TMEM245: variants seen among roughly 807,000 people sequenced by gnomAD.
TMEM245 encodes transmembrane protein 245.
In TMEM245, 69 loss-of-function variants were observed where a neutral mutation model predicts 101.2. The ratio of observed to expected loss-of-function variants is 0.68; its 90% CI spans 0.56 to 0.83. TMEM245 has a LOEUF of 0.83. Among genes scored for constraint, TMEM245 ranks in the 40% least tolerant of loss-of-function variants. The probability of loss-of-function intolerance (pLI) is 0.00; values close to 1 mark genes in which losing one functional copy is unlikely to be tolerated. For synonymous variants in TMEM245, 537 were observed against 449.8 expected (o/e 1.19, Z -2.45); for missense variants, 1,075 against 1,092.8 (o/e 0.98, Z 0.23).
intron 17 of TMEM245, among the ~76,000 whole-genome samples, chr9:109,032,865 C>A (rs1828004401): frequency 7.5e-6 from 1 of 133,738 alleles, no homozygotes; most frequent in African/African-American, 2.8e-5. Flanking sequence ...GTGGCACAAT[C>A]TGGGCTCACT....
At chr9:109,119,219 C>A in intron 1 of TMEM245, 116 bp downstream of exon 1, 2 of 993,470 alleles carry the variant, frequency 2.0e-6, no homozygotes, top group Middle Eastern at 3.4e-4. Context: ...CGGACGGTCA[C>A]TGCAGCACAG....
intron 17 of TMEM245, among the ~76,000 whole-genome samples, chr9:109,025,949 G>T (rs941215353): frequency 6.6e-6 from 1 of 152,212 alleles, no homozygotes; most frequent in African/African-American, 2.4e-5. Flanking sequence ...GCATTCATCT[G>T]TGTGAAGATA....
At position 109,042,990 on chromosome 9, in the gene TMEM245, C is replaced by T. The variant is rs547227942; in HGVS notation, c.2124-4873G>A. 4.5e-4 allele frequency among the ~76,000 whole-genome samples: 68 copies of T among 151,936 alleles called. No individual in the cohort carries two copies. The South Asian group carries it at 0.012, about 28-fold the overall frequency. ...CCTCCCAAGTAGCTGGGACTACAGA[C>T]GCACACACAACCCACTACGTGCCAA... is the stretch of plus-strand genomic sequence containing the variant. On this transcript the variant is annotated intron_variant, in intron 14 of 17. Transcript: ENST00000374586.
chr9:109,037,719 G>C (rs1379481593), intron 15 of TMEM245, among the ~76,000 whole-genome samples: 1 of 152,130 alleles, frequency 6.6e-6, no homozygotes, highest in East Asian at 1.9e-4. Context: ...AGAACCGTGA[G>C]CCAATTAAAC....
intron 4 of TMEM245, 102 bp from the exon 5 acceptor site, chr9:109,091,257 GT>G: frequency 1.0e-6 from 1 of 988,456 alleles, no homozygotes. Flanking sequence ...CCTTCAAAAT[GT>G]GCTGATATGG....
intron 7 of TMEM245, among the ~76,000 whole-genome samples, chr9:109,081,243 C>G (rs1048492288): frequency 3.3e-5 from 5 of 152,062 alleles, no homozygotes; most frequent in Non-Finnish European, 5.9e-5. Context: ...TAATTTATAA[C>G]CTGGTAAGTA....
At chr9:109,038,238 G>C in intron 14 of TMEM245, 121 bp from the exon 15 acceptor site, 2 of 573,656 alleles carry the variant, frequency 3.5e-6, no homozygotes, top group Non-Finnish European at 5.9e-6. Context: ...GCTGGCCTGA[G>C]AATGCTATTT....
At chr9:109,072,625 C>T (rs1442133596) in intron 9 of TMEM245, among the ~76,000 whole-genome samples, 1 of 152,190 alleles carries the variant, frequency 6.6e-6, no homozygotes, top group Non-Finnish European at 1.5e-5. Flanking sequence ...TGAGGCTGGT[C>T]CCCAACACAA....
Position 109,033,376 on chromosome 9 carries a change from G to C in TMEM245, c.2525C>G (p.Ala842Gly), listed in dbSNP as rs768956169. 1 of 1,614,134 alleles carries C rather than the reference G, an allele frequency of 6.2e-7. No homozygotes were observed. The highest frequency in any genetic ancestry group is 8.5e-7 in the Non-Finnish European group (1 of 1,180,022). ...ILVVASNIYS[A>G]MLVSPTNSVP... ...TGAATTCGTGGGACTCACTAGCATG[G>C]CACTATAGATATTGGAAGCAACCAC... Residue 842 changes from alanine (A) to glycine (G), a missense_variant, in exon 17 of 18, where the codon GCC becomes GGC. Transcript: ENST00000374586.
Position 109,087,157 on chromosome 9 carries a change from C to A in TMEM245, c.1320+16G>T. On this transcript the variant is annotated intron_variant, in intron 6 of 17. Coordinates refer to ENST00000374586, the MANE Select transcript of TMEM245 (RefSeq NM_032012.4). ...TTAACTCCATTAAGACAGCCCAAGTCCTTAAAATACAATACCTTGCTATCA... is the reference window on the plus strand; with the variant it reads ...TTAACTCCATTAAGACAGCCCAAGTACTTAAAATACAATACCTTGCTATCA... The A allele has an allele frequency of 1.3e-6, 2 of 1,594,046 alleles. No individual in the cohort carries two copies. The highest frequency in any genetic ancestry group is 2.3e-5 in the South Asian group (2 of 87,260).
In TMEM245 at chr9:109,059,700, AAAT is replaced by A. The variant is rs1828950065; in HGVS notation, c.1722+651_1722+653del. ...ACCCTGTCTCAAAAAATAAATAAATAAATAATAATAAAAAATAAAAGATCTCTA... is the reference window on the plus strand; with the variant it reads ...ACCCTGTCTCAAAAAATAAATAAATAAATAATAAAAAATAAAAGATCTCTA... On this transcript the variant is annotated intron_variant, in intron 11 of 17. Coordinates refer to ENST00000374586, the MANE Select transcript of TMEM245 (RefSeq NM_032012.4). Among the ~76,000 whole-genome samples the A allele has an allele frequency of 2.6e-5, 4 of 152,050 alleles. No homozygotes were observed. In the South Asian group the frequency reaches 8.3e-4, roughly 32 times the overall value.
At chr9:109,080,560 C>A (rs1482030510) in intron 8 of TMEM245, among the ~76,000 whole-genome samples, 1 of 151,792 alleles carries the variant, frequency 6.6e-6, no homozygotes, top group African/African-American at 2.4e-5. Context: ...CTAAAAAAAA[C>A]AAGCGCCACT....
At position 109,105,510 on chromosome 9, in the gene TMEM245, G is replaced by T. The variant is rs114600406; in HGVS notation, c.799+998C>A. Among the ~76,000 whole-genome samples, 420 of 152,254 alleles carry T rather than the reference G, an allele frequency of 2.8e-3. 3 individuals are homozygous for T. The highest frequency in any genetic ancestry group is 9.5e-3 in the African/African-American group (395 of 41,560). ...GTAATTCTACTCATAGGTAAACAAAGAACTGAAAACGTGTATTCAAATAAA... is the reference window on the plus strand; with the variant it reads ...GTAATTCTACTCATAGGTAAACAAATAACTGAAAACGTGTATTCAAATAAA... On this transcript the variant is annotated intron_variant, in intron 3 of 17. Transcript: ENST00000374586.
At chr9:109,107,612 CTTTG>C (rs1204919494) in intron 2 of TMEM245, among the ~76,000 whole-genome samples, 1 of 152,114 alleles carries the variant, frequency 6.6e-6, no homozygotes, top group African/African-American at 2.4e-5. Flanking sequence ...GAGAATAATG[CTTTG>C]TTTGACATCA....
In TMEM245 at chr9:109,080,662, T is replaced by C. The variant is rs551441749; in HGVS notation, c.1449+177A>G. Among the ~76,000 whole-genome samples, 18 of 152,114 alleles carry C rather than the reference T, an allele frequency of 1.2e-4. No homozygotes were observed. In the South Asian group the frequency reaches 3.7e-3, roughly 32 times the overall value. On this transcript the variant is annotated intron_variant, in intron 8 of 17. Transcript: ENST00000374586. Reference sequence around the variant, plus strand: ...ATGTAAAAGAGGTCTGAAAAGAAAATATACTAGGCAAATTCATGGCAAAAT... The same window carrying C: ...ATGTAAAAGAGGTCTGAAAAGAAAACATACTAGGCAAATTCATGGCAAAAT...
chr9:109,078,860 A>G (rs554557229), intron 8 of TMEM245, among the ~76,000 whole-genome samples: 10 of 152,226 alleles, frequency 6.6e-5, no homozygotes, highest in African/African-American at 1.9e-4. Context: ...TCCTCTTCTC[A>G]TCTTCTGGGA....
chr9:109,084,464 G>A (rs1384539931), intron 7 of TMEM245, among the ~76,000 whole-genome samples: 1 of 152,146 alleles, frequency 6.6e-6, no homozygotes, highest in Admixed American at 6.5e-5. Flanking sequence ...TCATAAATTA[G>A]GTAATCTAGC....
At chr9:109,057,415 C>T in intron 11 of TMEM245, 93 bp from the exon 12 acceptor site, 2 of 1,433,306 alleles carry the variant, frequency 1.4e-6, no homozygotes, top group Non-Finnish European at 1.9e-6. Context: ...TCCCCTTCAT[C>T]ACTTCAGTAA....
intron 10 of TMEM245, among the ~76,000 whole-genome samples, chr9:109,063,176 G>A (rs1829066560): frequency 6.6e-6 from 1 of 151,874 alleles, no homozygotes; most frequent in Non-Finnish European, 1.5e-5. Flanking sequence ...GTAGAGTGCA[G>A]TGGCATGATC....
Sources: allele counts gnomAD v4.1 joint callset (sites outside exome capture counted in the v4.1 genomes callset), GRCh38; gene constraint gnomAD v4.1.1; transcripts MANE v1.5; gene names NCBI Gene and HGNC (gene_info 2026-07-23, HGNC 2026-07-21).